The following TTLL1 variants were observed in gnomAD, a reference collection of about 807,000 sequenced individuals.
TTLL1 encodes polyglutamylase complex subunit TTLL1.
TTLL1 carries 33 observed loss-of-function variants against 47.8 expected under a neutral mutation model. The ratio of observed to expected loss-of-function variants is 0.69; its 90% confidence interval spans 0.52 to 0.92. TTLL1 has a LOEUF of 0.92. TTLL1 is among the 40% of genes least tolerant of loss of function. The pLI, the probability that TTLL1 is intolerant of heterozygous loss-of-function variation, is 0.00. For missense variants in TTLL1, 488 were observed against 547.5 expected, an observed-to-expected ratio of 0.89 and a Z score of 1.08; for synonymous variants, 225 against 214.1, an observed-to-expected ratio of 1.05 and a Z score of -0.45.
chr22:43,068,534 A>G lies in TTLL1; in HGVS notation c.379T>C (p.Phe127Leu). Residue 127 changes from phenylalanine (F) to leucine (L), a missense_variant, in exon 5 of 11, where the codon TTC becomes CTC. Transcript: ENST00000266254. Reference protein sequence around the residue: ...PADYNLFVEEFRKSPSSTWIM... With the variant: ...PADYNLFVEELRKSPSSTWIM... ...CAGGTGCTGGACGGGCTCTTCCGGA[A>G]CTCCTCTACAAACAGGTTGTAGTCA... is the stretch of plus-strand genomic sequence containing the variant. 3.2e-6 allele frequency: 5 copies of G among 1,565,438 alleles called. No homozygotes were observed. Among genetic ancestry groups the G allele is most frequent in the Admixed American group, 1.7e-5 (1 of 58,558 alleles).
intron 10 of TTLL1, among the ~76,000 whole-genome samples, chr22:43,044,318 C>T (rs539304716): frequency 6.6e-6 from 1 of 152,182 alleles, no homozygotes; most frequent in Admixed American, 6.5e-5. Flanking sequence ...GCCGGCAAGC[C>T]CAGTATACTT....
At chr22:43,088,151 A>G (rs1343435167) in intron 1 of TTLL1, among the ~76,000 whole-genome samples, 4 of 151,778 alleles carry the variant, frequency 2.6e-5, no homozygotes, top group Non-Finnish European at 4.4e-5. Context: ...CTAAAAATAA[A>G]TAAATAAATA....
At chr22:43,056,482 T>A (rs1927019955) in intron 8 of TTLL1, among the ~76,000 whole-genome samples, 1 of 148,238 alleles carries the variant, frequency 6.7e-6, no homozygotes, top group Non-Finnish European at 1.5e-5. Flanking sequence ...TTTTTTTTTT[T>A]TTTTAAAGAG....
At chr22:43,088,303 TGAGGGCA>T (rs113706350) in intron 1 of TTLL1, among the ~76,000 whole-genome samples, 2,873 of 148,286 alleles carry the variant, frequency 0.019, 102 homozygotes, top group African/African-American at 0.069. Flanking sequence ...GTCTGTAATT[TGAGGGCA>T]GAGAAGGGCC....
Position 43,051,901 on chromosome 22 carries a change from G to A in TTLL1, c.892-14C>T. ...GTTCATCACCGGCTGGAGAGAGAGT[G>A]ACCAGTGGGTGACATGGCCAGCATC... On this transcript the variant is annotated splice_polypyrimidine_tract_variant and intron_variant, in intron 8 of 10. Transcript: ENST00000266254. 2 of 1,613,114 alleles carry A rather than the reference G, an allele frequency of 1.2e-6. No homozygotes were observed. Among genetic ancestry groups the A allele is most frequent in the Non-Finnish European group, 1.7e-6 (2 of 1,179,314 alleles).
intron 9 of TTLL1, among the ~76,000 whole-genome samples, chr22:43,046,863 G>T (rs184534251): frequency 6.6e-6 from 1 of 152,018 alleles, no homozygotes; most frequent in Non-Finnish European, 1.5e-5. Flanking sequence ...TAGAGATGGG[G>T]TTTCACCATA....
In TTLL1 at chr22:43,089,316, T is replaced by C. The variant is rs1929460994; in HGVS notation, c.-129A>G. The C allele has an allele frequency of 6.6e-6, 1 of 152,206 alleles. No homozygotes were observed. Among genetic ancestry groups the C allele is most frequent in the Non-Finnish European group, 1.5e-5 (1 of 68,096 alleles). 9.4% of individuals were successfully genotyped at this position (152,206 alleles called of 1,614,324 possible). A position where few individuals can be genotyped will look rare whatever the true frequency, so the allele number is the denominator to read the frequency against. On this transcript the variant is annotated 5_prime_UTR_variant, in exon 1 of 11. Transcript: ENST00000266254. ...CGCCGAGGGACTCGGAGGAGCGCCC[T>C]GCAGGGATGCCTCGAGCCGCGCCCT...
intron 2 of TTLL1, among the ~76,000 whole-genome samples, chr22:43,076,235 C>T (rs1304094187): frequency 1.4e-5 from 2 of 147,538 alleles, no homozygotes; most frequent in Non-Finnish European, 1.5e-5. Flanking sequence ...GCAGGCGGAT[C>T]GCCTGAGGTT....
intron 9 of TTLL1, among the ~76,000 whole-genome samples, chr22:43,049,053 G>A (rs1031596826): frequency 2.0e-5 from 3 of 152,094 alleles, no homozygotes; most frequent in East Asian, 1.9e-4. Context: ...TTTGGGTGAC[G>A]GGCTCAAGAG....
chr22:43,075,648 C>A, intron 2 of TTLL1, 58 bp from the exon 3 acceptor site: 1 of 1,460,256 alleles, frequency 6.8e-7, no homozygotes. Context: ...TCCCTTTAAA[C>A]CCAAGGAATC....
chr22:43,043,633 C>T (rs1925875568), intron 10 of TTLL1, among the ~76,000 whole-genome samples: 1 of 152,108 alleles, frequency 6.6e-6, no homozygotes, highest in African/African-American at 2.4e-5. Flanking sequence ...ATGCCCTCTG[C>T]TTATCCTTTA....
At chr22:43,083,132 C>G (rs1031134504) in intron 1 of TTLL1, among the ~76,000 whole-genome samples, 3 of 151,886 alleles carry the variant, frequency 2.0e-5, no homozygotes, top group Non-Finnish European at 4.4e-5. Flanking sequence ...TCTGGGAGGC[C>G]GAGGCAGGCA....
chr22:43,069,477 C>T lies in TTLL1; in HGVS notation c.322+159G>A, dbSNP rs574876150. 130 of 1,327,074 alleles carry T rather than the reference C, an allele frequency of 9.8e-5. 2 individuals carry two copies. In the South Asian group the frequency reaches 1.9e-3, roughly 19 times the overall value. 82.2% of individuals were successfully genotyped at this position (1,327,074 alleles called of 1,614,324 possible). ...ATGCCACACTCAGGCCCCTCCTTCT[C>T]CCTCATTCTGGAGACACCTGAAATG... On this transcript the variant is annotated intron_variant, in intron 4 of 10. Transcript: ENST00000266254.
In TTLL1 at chr22:43,063,938, A is replaced by T; in HGVS notation, c.639-17T>A. ...AGCTTGTACCTAGGAGGGAATGTAGATTAATTCAAACTCTGAGGAGAAACA... is the reference window on the plus strand; with the variant it reads ...AGCTTGTACCTAGGAGGGAATGTAGTTTAATTCAAACTCTGAGGAGAAACA... On this transcript the variant is annotated splice_polypyrimidine_tract_variant and intron_variant, in intron 6 of 10. Coordinates refer to ENST00000266254, the MANE Select transcript of TTLL1 (RefSeq NM_012263.5). 6.2e-7 allele frequency: 1 copy of T among 1,610,432 alleles called. No homozygotes were observed. Among genetic ancestry groups the T allele is most frequent in the Non-Finnish European group, 8.5e-7 (1 of 1,177,354 alleles).
intron 9 of TTLL1, among the ~76,000 whole-genome samples, chr22:43,050,218 C>A (rs1926505866): frequency 6.6e-6 from 1 of 152,054 alleles, no homozygotes; most frequent in South Asian, 2.1e-4. Context: ...GAGTTTGAGA[C>A]CAGCCTGACC....
chr22:43,074,780 C>T (rs1478288171), intron 3 of TTLL1, among the ~76,000 whole-genome samples: 1 of 152,206 alleles, frequency 6.6e-6, no homozygotes, highest in Non-Finnish European at 1.5e-5. Flanking sequence ...TGGCTCATGC[C>T]TGTAATCCCA....
At chr22:43,064,159 AAG>A (rs1435008710) in intron 6 of TTLL1, 29 bp downstream of exon 6, 1 of 1,600,292 alleles carries the variant, frequency 6.2e-7, no homozygotes, top group Admixed American at 1.8e-5. Context: ...AAACACAATC[AAG>A]AGGGAACCAA....
chr22:43,059,673 G>A lies in TTLL1; in HGVS notation c.748-146C>T, dbSNP rs1203367147. The A allele has an allele frequency of 2.9e-6, 3 of 1,027,746 alleles. No individual in the cohort carries two copies. In the East Asian group the frequency reaches 8.5e-5, roughly 29 times the overall value. The allele number at this position is 1,027,746 out of a possible 1,614,324, so 63.7% of individuals were successfully genotyped here. Reference sequence around the variant, plus strand: ...GGCAAACATCCAGACCCCTGCCCCAGGGAGATCTGGGCCGGCTATTTTCCG... The same window carrying A: ...GGCAAACATCCAGACCCCTGCCCCAAGGAGATCTGGGCCGGCTATTTTCCG... On this transcript the variant is annotated intron_variant, in intron 7 of 10. Coordinates refer to ENST00000266254, the MANE Select transcript of TTLL1 (RefSeq NM_012263.5).
chr22:43,053,551 T>A (rs753845470), intron 8 of TTLL1, among the ~76,000 whole-genome samples: 1 of 152,060 alleles, frequency 6.6e-6, no homozygotes, highest in Non-Finnish European at 1.5e-5. Flanking sequence ...TAGCTCTCAG[T>A]GTCTCTGTCC....
Sources: allele counts gnomAD v4.1 joint callset (sites outside exome capture counted in the v4.1 genomes callset), GRCh38; gene constraint gnomAD v4.1.1; transcripts MANE v1.5; gene names NCBI Gene and HGNC (gene_info 2026-07-23, HGNC 2026-07-21).